Variants in WDR17 observed in about 807,000 individuals in gnomAD.
WDR17 encodes WD repeat domain 17.
A neutral mutation model predicts 161.7 loss-of-function variants in WDR17; 143 were observed. The observed-to-expected ratio is 0.88, with a 90% CI of 0.77 to 1.02. The LOEUF is 1.02. Among genes scored for constraint, WDR17 ranks in the 50% least tolerant of loss-of-function variants. The probability of loss-of-function intolerance (pLI) is 0.00; values close to 1 mark genes in which losing one functional copy is unlikely to be tolerated. For missense variants in WDR17, 1,469 were observed against 1,520.9 expected, an observed-to-expected ratio of 0.97 and a Z score of 0.57; for synonymous variants, 517 against 515.6, an observed-to-expected ratio of 1.00 and a Z score of -0.04.
At chr4:176,150,254 A>G (rs573649328) in intron 15 of WDR17, 81 bp downstream of exon 15, 113 of 1,559,816 alleles carry the variant, frequency 7.2e-5, no homozygotes, top group Non-Finnish European at 9.3e-5. Flanking sequence ...TCACATATTT[A>G]CATGTACCAT....
chr4:176,132,597 T>G (rs1055651840), intron 7 of WDR17, among the ~76,000 whole-genome samples: 2 of 152,114 alleles, frequency 1.3e-5, no homozygotes, highest in East Asian at 3.9e-4. Flanking sequence ...TCGTTTAATT[T>G]TATCCTCAAA....
Position 176,174,617 on chromosome 4 carries a change from A to C in WDR17, c.3348A>C (p.Glu1116Asp), listed in dbSNP as rs201782513. 6.2e-7 allele frequency: 1 copy of C among 1,601,208 alleles called. No homozygotes were observed. The highest frequency in any genetic ancestry group is 8.5e-7 in the Non-Finnish European group (1 of 1,172,866). Residue 1116 changes from glutamate to aspartate, a missense_variant and splice_region_variant, in exon 26 of 29, where the codon GAA becomes GAC. By Grantham distance (45) the Glu-to-Asp change is conservative. Coordinates refer to ENST00000508596, the MANE Select transcript of WDR17 (RefSeq NM_181265.4). ...TEKLLLHTCT[E>D]ARNELLILCG... The stretch of plus-strand genomic sequence containing the variant: ...TAAAAATAAATATATTCTCTTTTAG[A>C]GCTCGAAATGAGTTGCTGATATTAT...
chr4:176,146,533 C>T (rs1304824816), intron 12 of WDR17, among the ~76,000 whole-genome samples: 1 of 152,196 alleles, frequency 6.6e-6, no homozygotes, highest in East Asian at 1.9e-4. Flanking sequence ...GCAGAACTCA[C>T]AGATGCTGCG....
chr4:176,069,913 CTTT>C (rs1045503883), intron 1 of WDR17, among the ~76,000 whole-genome samples: 1 of 152,026 alleles, frequency 6.6e-6, no homozygotes, highest in African/African-American at 2.4e-5. Flanking sequence ...AAGTTTGATT[CTTT>C]AAGATAAAAC....
chr4:176,153,383 C>T (rs912763677), intron 17 of WDR17, among the ~76,000 whole-genome samples: 1 of 152,078 alleles, frequency 6.6e-6, no homozygotes, highest in Non-Finnish European at 1.5e-5. Context: ...CTGATCTTTA[C>T]AAAAAGGTTA....
intron 1 of WDR17, among the ~76,000 whole-genome samples, chr4:176,098,526 T>G (rs1303388418): frequency 6.6e-6 from 1 of 151,968 alleles, no homozygotes; most frequent in African/African-American, 2.4e-5. Flanking sequence ...GTTTTCTGTT[T>G]TTAGTAATGC....
intron 1 of WDR17, among the ~76,000 whole-genome samples, chr4:176,099,940 T>C (rs922736613): frequency 6.6e-6 from 1 of 152,212 alleles, no homozygotes; most frequent in African/African-American, 2.4e-5. Flanking sequence ...CTGAATAGTA[T>C]TCCACTGTGT....
intron 17 of WDR17, among the ~76,000 whole-genome samples, chr4:176,155,484 C>G (rs1424513824): frequency 6.7e-6 from 1 of 149,058 alleles, no homozygotes; most frequent in East Asian, 2.0e-4. Context: ...CCGAGGGGTA[C>G]TTGGAATTTA....
chr4:176,135,372 G>A, intron 8 of WDR17, 96 bp downstream of exon 8: 1 of 1,388,448 alleles, frequency 7.2e-7, no homozygotes, highest in Non-Finnish European at 1.0e-6. Flanking sequence ...ATCTCATCTT[G>A]TTCTAAATGA....
chr4:176,145,022 A>G (rs536518270), intron 11 of WDR17, among the ~76,000 whole-genome samples: 1 of 152,336 alleles, frequency 6.6e-6, no homozygotes, highest in African/African-American at 2.4e-5. Flanking sequence ...CCAGTTTGCA[A>G]ACTGCCGTAT....
intron 8 of WDR17, among the ~76,000 whole-genome samples, chr4:176,136,438 T>C (rs750872674): frequency 6.6e-6 from 1 of 151,680 alleles, no homozygotes; most frequent in African/African-American, 2.4e-5. Flanking sequence ...ATAAAACTTA[T>C]GACTGTAAAA....
At position 176,111,611 on chromosome 4, in the gene WDR17, G is replaced by T. The variant is rs552076192; in HGVS notation, c.31G>T (p.Ala11Ser). Residue 11 changes from alanine to serine, a missense_variant, in exon 2 of 29, where the codon GCT becomes TCT. Coordinates refer to ENST00000508596, the MANE Select transcript of WDR17 (RefSeq NM_181265.4). Reference sequence around the variant, plus strand: ...CCAGGTAAGGCAAGTGGGATTGCTGGCTGCTGGATGTCAGCCATGGAACAA... The same window carrying T: ...CCAGGTAAGGCAAGTGGGATTGCTGTCTGCTGGATGTCAGCCATGGAACAA... Reference protein sequence around the residue: MSQVRQVGLLAAGCQPWNKDV... With the variant: MSQVRQVGLLSAGCQPWNKDV... The T allele has an allele frequency of 1.2e-6, 2 of 1,610,034 alleles. No homozygotes were observed. Among genetic ancestry groups the T allele is most frequent in the Non-Finnish European group, 1.7e-6 (2 of 1,177,542 alleles).
At chr4:176,100,350 T>C (rs1274151745) in intron 1 of WDR17, among the ~76,000 whole-genome samples, 2 of 152,194 alleles carry the variant, frequency 1.3e-5, no homozygotes, top group Non-Finnish European at 2.9e-5. Flanking sequence ...GAGCATTTTT[T>C]CATATACCTC....
chr4:176,084,448 T>C (rs1735163195), intron 1 of WDR17, among the ~76,000 whole-genome samples: 1 of 152,102 alleles, frequency 6.6e-6, no homozygotes. Flanking sequence ...GAGAGCTGCC[T>C]CTATAATACA....
rs386357678 is a variant in WDR17, at chr4:176,074,810, C to CTTTT, written c.-7+8750_-7+8753dup. ...TGGGCATGCGGGATTTTTTTTAATGCTTTTTTTTTTTTTTTTTTTTTTGCT... is the reference window on the plus strand; with the variant it reads ...TGGGCATGCGGGATTTTTTTTAATGCTTTTTTTTTTTTTTTTTTTTTTTTTTGCT... On this transcript the variant is annotated intron_variant, in intron 1 of 28. Coordinates refer to ENST00000508596, the MANE Select transcript of WDR17 (RefSeq NM_181265.4). Among the ~76,000 whole-genome samples, 624 of 79,120 alleles carry CTTTT rather than the reference C, an allele frequency of 7.9e-3. 4 individuals are homozygous for CTTTT. The highest frequency in any genetic ancestry group is 8.7e-3 in the Non-Finnish European group (380 of 43,842). 51.9% of individuals were successfully genotyped at this position (79,120 alleles called of 152,430 possible). A position where few individuals can be genotyped will look rare whatever the true frequency, so the allele number is the denominator to read the frequency against.
intron 2 of WDR17, among the ~76,000 whole-genome samples, chr4:176,114,447 A>G (rs957913819): frequency 4.6e-5 from 7 of 152,106 alleles, no homozygotes; most frequent in Admixed American, 2.6e-4. Context: ...TTTACATACA[A>G]TGTTCACTGC....
At chr4:176,137,022 G>T (rs890743416) in intron 8 of WDR17, among the ~76,000 whole-genome samples, 3 of 151,410 alleles carry the variant, frequency 2.0e-5, no homozygotes, top group Admixed American at 2.0e-4. Context: ...AAAACAGAAA[G>T]CATTGTTTAT....
rs143478040 is a variant in WDR17 at position 176,102,266 on chromosome 4, A to G, written c.-6-9309A>G. On this transcript the variant is annotated intron_variant, in intron 1 of 28. Coordinates refer to ENST00000508596, the MANE Select transcript of WDR17 (RefSeq NM_181265.4). Reference sequence around the variant, plus strand: ...CAAGTGAGCATGTGAAAAAATGTTCAACATCATTTGTCTTTGGGAATTGCA... The same window carrying G: ...CAAGTGAGCATGTGAAAAAATGTTCGACATCATTTGTCTTTGGGAATTGCA... Among the ~76,000 whole-genome samples, 389 of 152,276 alleles carry G rather than the reference A, an allele frequency of 2.6e-3. 16 individuals carry two copies. The highest frequency in any genetic ancestry group is 0.024 in the Admixed American group (360 of 15,296).
rs1164790536 is a variant in WDR17 at position 176,182,555 on chromosome 4, A to G, written c.*2976A>G. 6.6e-6 allele frequency: 1 copy of G among 152,020 alleles called. No homozygotes were observed. Among genetic ancestry groups the G allele is most frequent in the Non-Finnish European group, 1.5e-5 (1 of 67,956 alleles). 9.4% of individuals were successfully genotyped at this position (152,020 alleles called of 1,614,324 possible). The stretch of plus-strand genomic sequence containing the variant: ...TCAAAAGGTATTCTGAATATAATAA[A>G]AGCCTCACAAATTATTTGTAAAATT... On this transcript the variant is annotated 3_prime_UTR_variant, in exon 29 of 29. Coordinates refer to ENST00000508596, the MANE Select transcript of WDR17 (RefSeq NM_181265.4). The surrounding 1 kb of genome is among the most constrained non-coding windows in gnomAD (Gnocchi z 4.2).
Sources: allele counts gnomAD v4.1 joint callset (sites outside exome capture counted in the v4.1 genomes callset), GRCh38; gene constraint gnomAD v4.1.1; non-coding constraint Gnocchi (gnomAD v3.1); transcripts MANE v1.5; gene names NCBI Gene and HGNC (gene_info 2026-07-23, HGNC 2026-07-21).